The following NCALD variants were observed in gnomAD, a reference collection of about 807,000 sequenced individuals.
NCALD encodes neurocalcin delta.
In NCALD, 10 loss-of-function variants were observed where a neutral mutation model predicts 18.6. That is an observed-to-expected ratio of 0.54 (90% confidence interval 0.33 to 0.91). The LOEUF (loss-of-function observed/expected upper bound fraction) is 0.91. Ranked by LOEUF, NCALD falls within the 40% of genes least tolerant of loss-of-function variation. The pLI, the probability that NCALD is intolerant of heterozygous loss-of-function variation, is 0.03. For synonymous variants in NCALD, 88 were observed against 87.4 expected, an observed-to-expected ratio of 1.01 and a Z score of -0.04; for missense variants, 184 against 247.6, an observed-to-expected ratio of 0.74 and a Z score of 1.72.
chr8:102,004,442 T>C (rs1328252747), intron 2 of NCALD, among the ~76,000 whole-genome samples: 7 of 152,042 alleles, frequency 4.6e-5, no homozygotes, highest in African/African-American at 1.2e-4. Flanking sequence ...ATTGTGAAAA[T>C]GGCCATACTG....
chr8:101,897,883 A>T (rs1029851938), intron 3 of NCALD, among the ~76,000 whole-genome samples: 1 of 152,156 alleles, frequency 6.6e-6, no homozygotes, highest in Non-Finnish European at 1.5e-5. Context: ...TAGTTCCCAT[A>T]ATTCCGTGTT....
In NCALD at chr8:101,704,255, A is replaced by C. The variant is rs531474201; in HGVS notation, c.379-11359T>G. On this transcript the variant is annotated intron_variant, in intron 2 of 3. Transcript: ENST00000220931. ...CTGTTGAAGAGACCATAAAGTAATT[A>C]TATCTTTTAGTGGAGTGGTTCATGA... Among the ~76,000 whole-genome samples the C allele has an allele frequency of 5.9e-5, 9 of 152,350 alleles. No homozygotes were observed. The East Asian group carries it at 1.7e-3, about 29-fold the overall frequency.
chr8:101,845,607 C>G (rs531251332), intron 4 of NCALD, among the ~76,000 whole-genome samples: 1 of 152,166 alleles, frequency 6.6e-6, no homozygotes, highest in Non-Finnish European at 1.5e-5. Context: ...AGGCATACAA[C>G]GTGTCATGGT....
At chr8:101,706,372 G>A (rs1367426335) in intron 2 of NCALD, among the ~76,000 whole-genome samples, 1 of 151,880 alleles carries the variant, frequency 6.6e-6, no homozygotes, top group African/African-American at 2.4e-5. Flanking sequence ...TTTGTTTCTG[G>A]AATATTGGCT....
intron 1 of NCALD, among the ~76,000 whole-genome samples, chr8:101,767,597 TG>T (rs1321311558): frequency 6.6e-6 from 1 of 152,230 alleles, no homozygotes; most frequent in Non-Finnish European, 1.5e-5. Context: ...TGGACTCAAC[TG>T]ATCTGGACTT....
intron 1 of NCALD, among the ~76,000 whole-genome samples, chr8:102,065,711 G>A (rs1367622337): frequency 6.6e-6 from 1 of 152,170 alleles, no homozygotes; most frequent in Non-Finnish European, 1.5e-5. Context: ...GGGCAAGGTG[G>A]TGTGTACCTG....
intron 2 of NCALD, among the ~76,000 whole-genome samples, chr8:101,963,842 A>G (rs1053768266): frequency 2.0e-5 from 3 of 152,158 alleles, no homozygotes; most frequent in Non-Finnish European, 2.9e-5. Flanking sequence ...TAAGAAGTCA[A>G]TCATGATAAT....
intron 4 of NCALD, among the ~76,000 whole-genome samples, chr8:101,815,370 T>C (rs991540621): frequency 2.0e-5 from 3 of 151,770 alleles, no homozygotes; most frequent in Admixed American, 6.6e-5. Flanking sequence ...AGAGCACAGA[T>C]AGTCTTTTCA....
intron 2 of NCALD, among the ~76,000 whole-genome samples, chr8:101,925,481 A>C (rs1818304580): frequency 6.6e-6 from 1 of 152,152 alleles, no homozygotes; most frequent in Non-Finnish European, 1.5e-5. Context: ...AGTGTGAGCA[A>C]TACCCCCTCA....
At chr8:101,870,982 A>G (rs1002318139) in intron 4 of NCALD, among the ~76,000 whole-genome samples, 1 of 148,778 alleles carries the variant, frequency 6.7e-6, no homozygotes, top group Admixed American at 6.9e-5. Context: ...ATGTAATTTT[A>G]GATGAATGTT....
intron 2 of NCALD, among the ~76,000 whole-genome samples, chr8:101,993,220 C>T (rs1410302631): frequency 4.0e-5 from 6 of 151,636 alleles, no homozygotes; most frequent in Non-Finnish European, 7.4e-5. Context: ...TCATTACCTA[C>T]TGCCGCCACT....
intron 3 of NCALD, among the ~76,000 whole-genome samples, chr8:101,915,074 C>T (rs1028692812): frequency 2.6e-5 from 4 of 152,158 alleles, no homozygotes; most frequent in African/African-American, 9.7e-5. Flanking sequence ...AATATTAACT[C>T]ATTTAATCCT....
At chr8:101,806,366 G>T (rs1477488947) in intron 4 of NCALD, among the ~76,000 whole-genome samples, 1 of 152,104 alleles carries the variant, frequency 6.6e-6, no homozygotes, top group Non-Finnish European at 1.5e-5. Flanking sequence ...GAAACTATCT[G>T]TGAGATGATT....
intron 1 of NCALD, among the ~76,000 whole-genome samples, chr8:101,761,459 C>T (rs1410008898): frequency 6.6e-6 from 1 of 152,120 alleles, no homozygotes; most frequent in Admixed American, 6.5e-5. Flanking sequence ...GCAGTGTTTA[C>T]CCTGGGATTG....
intron 1 of NCALD, among the ~76,000 whole-genome samples, chr8:101,761,981 C>G (rs1811130196): frequency 6.6e-6 from 1 of 152,162 alleles, no homozygotes; most frequent in Non-Finnish European, 1.5e-5. Flanking sequence ...TGGAGCAAAA[C>G]TATGGAAGGA....
chr8:101,890,682 G>C (rs899426048), intron 3 of NCALD, among the ~76,000 whole-genome samples: 1 of 152,136 alleles, frequency 6.6e-6, no homozygotes, highest in Non-Finnish European at 1.5e-5. Flanking sequence ...TAGGCTTCAC[G>C]AGACATTAAA....
intron 1 of NCALD, among the ~76,000 whole-genome samples, chr8:102,111,318 G>A (rs575405760): frequency 6.6e-6 from 1 of 152,234 alleles, no homozygotes; most frequent in African/African-American, 2.4e-5. Context: ...GGCTTCCAAA[G>A]GGTGAGGCGG....
chr8:102,059,518 G>A (rs1000241015), intron 1 of NCALD, among the ~76,000 whole-genome samples: 1 of 152,186 alleles, frequency 6.6e-6, no homozygotes, highest in African/African-American at 2.4e-5. Flanking sequence ...AATTCTGAAA[G>A]ACGTCAAGGC....
intron 2 of NCALD, among the ~76,000 whole-genome samples, chr8:101,706,759 C>A (rs1414243767): frequency 6.6e-6 from 1 of 152,212 alleles, no homozygotes; most frequent in Non-Finnish European, 1.5e-5. Context: ...GATGCAGCTA[C>A]AAACCAGGGA....
Sources: gnomAD v4.1 joint callset for allele counts (sites outside exome capture counted in the v4.1 genomes callset) on GRCh38, gnomAD v4.1.1 for gene constraint, MANE v1.5 for transcripts, NCBI Gene and HGNC (gene_info 2026-07-23, HGNC 2026-07-21) for gene names.